Variants in SGIP1 observed in about 807,000 individuals in gnomAD.
The protein encoded by SGIP1 is SH3-containing GRB2-like protein 3-interacting protein 1.
A neutral mutation model predicts 107.5 loss-of-function variants in SGIP1; 38 were observed. The observed-to-expected ratio is 0.35, with a 90% CI of 0.27 to 0.46. The LOEUF is 0.46. Ranked by LOEUF, SGIP1 falls within the 20% of genes least tolerant of loss-of-function variation. The probability of loss-of-function intolerance (pLI) is 1.00; values close to 1 mark genes in which losing one functional copy is unlikely to be tolerated. For synonymous variants in SGIP1, 365 were observed against 366.1 expected (o/e 1.00, Z 0.03); for missense variants, 929 against 1,019.5 (o/e 0.91, Z 1.21).
chr1:66,674,853 G>A (rs2084811081), intron 12 of SGIP1, among the ~76,000 whole-genome samples: 3 of 152,208 alleles, frequency 2.0e-5, no homozygotes, highest in Non-Finnish European at 2.9e-5. Flanking sequence ...TTGGTGCTAT[G>A]TAGCCAGCTA....
intron 15 of SGIP1, among the ~76,000 whole-genome samples, chr1:66,683,700 C>CATTTTTTTTTTTTTTTTTTT (rs2087375257): frequency 1.6e-5 from 1 of 61,396 alleles, no homozygotes; most frequent in Non-Finnish European, 3.0e-5. Context: ...TGTTTCTTTT[C>CATTTTTTTTTTTTTTTTTTT]TTTTTTTTTT....
chr1:66,695,474 G>A lies in SGIP1; in HGVS notation c.1611G>A (p.Lys537=). 1 of 1,614,002 alleles carries A rather than the reference G, an allele frequency of 6.2e-7. No individual in the cohort carries two copies. Among genetic ancestry groups the A allele is most frequent in the Non-Finnish European group, 8.5e-7 (1 of 1,179,986 alleles). ...CCCTCGTTTGGTTTGACAGAGGAAAGTTTTATTTGACTTTTGAAGGTAAGT... is the reference window on the plus strand; with the variant it reads ...CCCTCGTTTGGTTTGACAGAGGAAAATTTTATTTGACTTTTGAAGGTAAGT... ...QPSLVWFDRG[K]FYLTFEGSSR... The change falls in exon 18 of 25, where the codon AAG becomes AAA. Residue 537 remains lysine, a synonymous_variant. Transcript: ENST00000371037.
chr1:66,645,817 T>G (rs1239121776), intron 7 of SGIP1, among the ~76,000 whole-genome samples: 1 of 152,130 alleles, frequency 6.6e-6, no homozygotes, highest in Non-Finnish European at 1.5e-5. Flanking sequence ...TGTGTAAATA[T>G]AGATAGATAT....
intron 18 of SGIP1, among the ~76,000 whole-genome samples, chr1:66,701,320 T>C (rs1422513304): frequency 6.6e-6 from 1 of 152,186 alleles, no homozygotes; most frequent in Admixed American, 6.5e-5. Flanking sequence ...CTTACCCCAC[T>C]GAAGGCCCCT....
At chr1:66,712,425 G>A (rs1026777845) in intron 18 of SGIP1, among the ~76,000 whole-genome samples, 5 of 152,168 alleles carry the variant, frequency 3.3e-5, no homozygotes, top group South Asian at 2.1e-4. Flanking sequence ...CTGCCCGAAC[G>A]CAGGCTTGCT....
intron 7 of SGIP1, among the ~76,000 whole-genome samples, chr1:66,644,835 T>A (rs1338599859): frequency 6.6e-6 from 1 of 152,300 alleles, no homozygotes. Context: ...TTTAAGGTGA[T>A]TTTTAATCAT....
At chr1:66,587,906 A>C (rs1237004262) in intron 1 of SGIP1, among the ~76,000 whole-genome samples, 2 of 152,242 alleles carry the variant, frequency 1.3e-5, no homozygotes, top group African/African-American at 2.4e-5. Context: ...TCTCTCAATA[A>C]AAGCATCTAC....
intron 8 of SGIP1, among the ~76,000 whole-genome samples, chr1:66,661,694 T>C (rs922356174): frequency 6.6e-6 from 1 of 152,186 alleles, no homozygotes; most frequent in Non-Finnish European, 1.5e-5. Flanking sequence ...CCTTTACCAA[T>C]TTCATTTATT....
chr1:66,612,698 T>C (rs2068289873), intron 1 of SGIP1, among the ~76,000 whole-genome samples: 1 of 151,948 alleles, frequency 6.6e-6, no homozygotes, highest in Admixed American at 6.6e-5. Context: ...GATTAAATGA[T>C]TTTTTTTGAT....
In SGIP1 at chr1:66,686,785, A is replaced by T. The variant is rs74085031; in HGVS notation, c.1316-2363A>T. 3.3e-3 allele frequency among the ~76,000 whole-genome samples: 500 copies of T among 152,372 alleles called. 2 individuals carry two copies. The highest frequency in any genetic ancestry group is 0.011 in the African/African-American group (443 of 41,584). On this transcript the variant is annotated intron_variant, in intron 15 of 24. Coordinates refer to ENST00000371037, the MANE Select transcript of SGIP1 (RefSeq NM_032291.4). ...AAGTGATTTCAATGGGGCATCCGTA[A>T]AGGAAAACAATTAACTTTTCAATGA... is the stretch of plus-strand genomic sequence containing the variant.
rs767409752 is a variant in SGIP1, at chr1:66,681,970, G to A, written c.916G>A (p.Val306Ile). ...GPVLSPKSVA[V>I]NAEEKWVHFS... ...AGTATTGTCCCCCAAGTCTGTTGCT[G>A]TTAATGCTGAAGAAAAGTGGGTCCA... Residue 306 changes from valine to isoleucine, a missense_variant, in exon 15 of 25, where the codon GTT becomes ATT. Physicochemically the swap from Val to Ile is conservative, Grantham distance 29 (BLOSUM62 3). Around this residue, in one of 2 missense-constraint regions of SGIP1, gnomAD observed 588 missense variants for 588.6 expected, o/e 1.00. Coordinates refer to ENST00000371037, the MANE Select transcript of SGIP1 (RefSeq NM_032291.4). The A allele has an allele frequency of 1.9e-5, 30 of 1,614,094 alleles. No homozygotes were observed. In the South Asian group the frequency reaches 2.9e-4, roughly 15 times the overall value.
intron 1 of SGIP1, among the ~76,000 whole-genome samples, chr1:66,539,726 T>C (rs760752199): frequency 3.9e-5 from 6 of 152,196 alleles, no homozygotes; most frequent in Non-Finnish European, 8.8e-5. Context: ...ACACTCCTTT[T>C]GCAGGTCATG....
At chr1:66,668,252 G>A (rs989560929) in intron 9 of SGIP1, among the ~76,000 whole-genome samples, 7 of 151,894 alleles carry the variant, frequency 4.6e-5, no homozygotes, top group African/African-American at 7.3e-5. Flanking sequence ...GTGCAGTGGC[G>A]TGATCTCTGC....
rs984410 is a variant in SGIP1 at position 66,554,347 on chromosome 1, A to T, written c.10+19979A>T. On this transcript the variant is annotated intron_variant, in intron 1 of 24. Coordinates refer to ENST00000371037, the MANE Select transcript of SGIP1 (RefSeq NM_032291.4). Reference sequence around the variant, plus strand: ...ATTAGATGCTTTCTCCAAGGTTCAGACAGAATAAGGTCCTTAGCCAATGCA... The same window carrying T: ...ATTAGATGCTTTCTCCAAGGTTCAGTCAGAATAAGGTCCTTAGCCAATGCA... Among the ~76,000 whole-genome samples, 391 of 152,258 alleles carry T rather than the reference A, an allele frequency of 2.6e-3. 2 individuals are homozygous for T. The highest frequency in any genetic ancestry group is 9.2e-3 in the African/African-American group (382 of 41,568).
At chr1:66,741,511 A>C (rs1572486747) in intron 24 of SGIP1, 75 bp downstream of exon 24, 1 of 1,380,738 alleles carries the variant, frequency 7.2e-7, no homozygotes. Flanking sequence ...ATAGGTTGTG[A>C]TTTTCTCATC....
chr1:66,604,166 T>A (rs955956888), intron 1 of SGIP1, among the ~76,000 whole-genome samples: 1 of 152,168 alleles, frequency 6.6e-6, no homozygotes, highest in Admixed American at 6.5e-5. Flanking sequence ...ATGAGATGTT[T>A]AAGAAGAAAA....
At chr1:66,733,445 T>A (rs886464243) in intron 20 of SGIP1, among the ~76,000 whole-genome samples, 12 of 152,180 alleles carry the variant, frequency 7.9e-5, no homozygotes, top group African/African-American at 2.9e-4. Context: ...TAAGTTTGAG[T>A]TAATAAATAA....
intron 2 of SGIP1, chr1:66,626,254 CCTTACAATCTGAACTAAAGAAA>C (rs1405398414): frequency 1.2e-5 from 2 of 166,684 alleles, no homozygotes; most frequent in African/African-American, 4.9e-5. Flanking sequence ...ATAGGGTTGA[CCTTACAATCTGAACTAAAGAAA>C]CAACAAAACA....
chr1:66,592,051 C>G (rs1043281493), intron 1 of SGIP1, among the ~76,000 whole-genome samples: 3 of 152,162 alleles, frequency 2.0e-5, no homozygotes, highest in African/African-American at 7.2e-5. Flanking sequence ...TTCCCAAGGA[C>G]GAGCAGGAGA....
Sources: gnomAD v4.1 joint callset for allele counts (sites outside exome capture counted in the v4.1 genomes callset) on GRCh38, gnomAD v4.1.1 for gene constraint, gnomAD v4.1.1 regional missense constraint, MANE v1.5 for transcripts, NCBI Gene and HGNC (gene_info 2026-07-23, HGNC 2026-07-21) for gene names.